CDH12: variants seen among roughly 807,000 people sequenced by gnomAD.
CDH12 encodes cadherin-12.
A neutral mutation model predicts 74.1 loss-of-function variants in CDH12; 41 were observed. That is an observed-to-expected ratio of 0.55 (90% CI 0.43 to 0.72). CDH12 has a LOEUF of 0.72. Among genes scored for constraint, CDH12 ranks in the 30% least tolerant of loss-of-function variants. The pLI, the probability that CDH12 is intolerant of heterozygous loss-of-function variation, is 0.00. For synonymous variants in CDH12, 399 were observed against 355.0 expected, an observed-to-expected ratio of 1.12 and a Z score of -1.39; for missense variants, 945 against 977.2, an observed-to-expected ratio of 0.97 and a Z score of 0.44.
intron 1 of CDH12, among the ~76,000 whole-genome samples, chr5:22,646,610 T>G (rs1217979605): frequency 6.6e-6 from 1 of 151,780 alleles, no homozygotes; most frequent in Non-Finnish European, 1.5e-5. Context: ...CCCAACACAG[T>G]GGCAATAAAC....
intron 3 of CDH12, among the ~76,000 whole-genome samples, chr5:22,228,445 A>G (rs1227053436): frequency 6.6e-6 from 1 of 152,142 alleles, no homozygotes; most frequent in Non-Finnish European, 1.5e-5. Context: ...AACATTTAGT[A>G]GTGGATAAAA....
At chr5:22,477,323 T>C (rs1388587282) in intron 2 of CDH12, among the ~76,000 whole-genome samples, 1 of 152,276 alleles carries the variant, frequency 6.6e-6, no homozygotes, top group African/African-American at 2.4e-5. Context: ...TACTTGTAAG[T>C]GAGAACATGT....
chr5:21,861,899 A>AGG (rs71609719), intron 6 of CDH12, among the ~76,000 whole-genome samples: 1 of 147,722 alleles, frequency 6.8e-6, no homozygotes, highest in Non-Finnish European at 1.5e-5. Context: ...GGTCATTTCT[A>AGG]GTGTGTGTGT....
chr5:22,605,779 G>C (rs935427951), intron 1 of CDH12, among the ~76,000 whole-genome samples: 2 of 152,230 alleles, frequency 1.3e-5, no homozygotes, highest in Admixed American at 6.5e-5. Context: ...TTCCTGCACA[G>C]CTCTAGCAGT....
chr5:22,024,017 G>A (rs1258808047), intron 5 of CDH12, among the ~76,000 whole-genome samples: 1 of 152,126 alleles, frequency 6.6e-6, no homozygotes, highest in African/African-American at 2.4e-5. Flanking sequence ...GTTGGGTGAG[G>A]GCATATGGAC....
At chr5:22,694,780 TAC>T (rs996959976) in intron 1 of CDH12, among the ~76,000 whole-genome samples, 6 of 151,508 alleles carry the variant, frequency 4.0e-5, no homozygotes, top group African/African-American at 1.2e-4. Context: ...CATATATATA[TAC>T]ACACACACAT....
intron 1 of CDH12, among the ~76,000 whole-genome samples, chr5:22,525,468 G>A (rs1006494136): frequency 1.4e-5 from 2 of 145,880 alleles, no homozygotes; most frequent in East Asian, 2.2e-4. Context: ...TTTCTGGAGA[G>A]AGAGAGCAAG....
intron 6 of CDH12, among the ~76,000 whole-genome samples, chr5:21,888,640 C>T (rs1752754755): frequency 6.6e-6 from 1 of 151,946 alleles, no homozygotes; most frequent in African/African-American, 2.4e-5. Context: ...TAAAATCACT[C>T]ACAATTCAAA....
chr5:22,675,489 A>G lies in CDH12; in HGVS notation c.-522-170125T>C, dbSNP rs546157363. Among the ~76,000 whole-genome samples, 3 of 152,344 alleles carry G rather than the reference A, an allele frequency of 2.0e-5. No individual in the cohort carries two copies. In the East Asian group the frequency reaches 5.8e-4, roughly 29 times the overall value. On this transcript the variant is annotated intron_variant, in intron 1 of 14. Coordinates refer to ENST00000382254, the MANE Select transcript of CDH12 (RefSeq NM_004061.5). ...GCAACTAACTTGCTTTTGATTCTAC[A>G]GGCTCATAGACAGAAGGGACTTGCC...
At chr5:22,653,926 T>A (rs1031783106) in intron 1 of CDH12, among the ~76,000 whole-genome samples, 1 of 152,234 alleles carries the variant, frequency 6.6e-6, no homozygotes, top group African/African-American at 2.4e-5. Flanking sequence ...AATACATACA[T>A]ACATAAAATC....
At chr5:21,842,112 A>C (rs751368114) in intron 8 of CDH12, 49 bp downstream of exon 8, 3 of 1,459,996 alleles carry the variant, frequency 2.1e-6, no homozygotes, top group Non-Finnish European at 2.8e-6. Context: ...GACACCATTA[A>C]ATTTTTTTAA....
rs1738296096 is a variant in CDH12 at position 22,545,753 on chromosome 5, A to T, written c.-522-40389T>A. On this transcript the variant is annotated intron_variant, in intron 1 of 14. Coordinates refer to ENST00000382254, the MANE Select transcript of CDH12 (RefSeq NM_004061.5). ...TGTAAAATATAATTATACTCATTCT[A>T]TTTTTCTCTTTTATTTGACACCTTT... Among the ~76,000 whole-genome samples the T allele has an allele frequency of 2.0e-5, 3 of 152,152 alleles. No individual in the cohort carries two copies. In the South Asian group the frequency reaches 6.2e-4, roughly 31 times the overall value.
At chr5:22,716,163 T>C (rs954656002) in intron 1 of CDH12, among the ~76,000 whole-genome samples, 3 of 151,638 alleles carry the variant, frequency 2.0e-5, no homozygotes, top group Non-Finnish European at 4.4e-5. Context: ...ACAAAAAACA[T>C]ACATATAACT....
chr5:22,780,917 C>T, intron 1 of CDH12, among the ~76,000 whole-genome samples: 1 of 152,134 alleles, frequency 6.6e-6, no homozygotes, highest in Admixed American at 6.6e-5. Flanking sequence ...AGCTCACTGT[C>T]AGCTGAAACA....
At chr5:22,591,675 C>A (rs1046412352) in intron 1 of CDH12, among the ~76,000 whole-genome samples, 1 of 152,104 alleles carries the variant, frequency 6.6e-6, no homozygotes, top group Non-Finnish European at 1.5e-5. Context: ...GAGTCACTGT[C>A]CCCAGCTGTC....
chr5:22,465,012 G>C (rs1298246684), intron 2 of CDH12, among the ~76,000 whole-genome samples: 1 of 124,336 alleles, frequency 8.0e-6, no homozygotes, highest in Non-Finnish European at 1.6e-5. Flanking sequence ...AAGAGAGAGA[G>C]AGAGAGAGGA....
chr5:22,604,914 A>C (rs1298321745), intron 1 of CDH12, among the ~76,000 whole-genome samples: 5 of 152,168 alleles, frequency 3.3e-5, no homozygotes, highest in Non-Finnish European at 5.9e-5. Flanking sequence ...CCCCTTCACC[A>C]TCAGCTCTGG....
intron 1 of CDH12, among the ~76,000 whole-genome samples, chr5:22,790,723 A>G (rs972426945): frequency 6.6e-6 from 1 of 152,184 alleles, no homozygotes; most frequent in African/African-American, 2.4e-5. Context: ...GTACCCAAAC[A>G]TATTTTGTTT....
At chr5:21,861,829 C>A (rs911616512) in intron 6 of CDH12, among the ~76,000 whole-genome samples, 83 of 151,872 alleles carry the variant, frequency 5.5e-4, no homozygotes, top group African/African-American at 2.0e-3. Context: ...CTCATCAGCC[C>A]ATATCCTAAT....
Sources: allele counts gnomAD v4.1 joint callset (sites outside exome capture counted in the v4.1 genomes callset), GRCh38; gene constraint gnomAD v4.1.1; transcripts MANE v1.5; gene names NCBI Gene and HGNC (gene_info 2026-07-23, HGNC 2026-07-21).